Variants in CUL1 observed in about 807,000 individuals in gnomAD.
The protein encoded by CUL1 is cullin-1.
Under a neutral mutation model 118.0 loss-of-function variants are expected in CUL1, and 24 were observed. The ratio of observed to expected loss-of-function variants is 0.20; its 90% CI spans 0.15 to 0.29. The LOEUF is 0.29. CUL1 is among the 10% of genes least tolerant of loss of function. The pLI, the probability that CUL1 is intolerant of heterozygous loss-of-function variation, is 1.00. For missense variants in CUL1, 361 were observed against 933.8 expected, an observed-to-expected ratio of 0.39 and a Z score of 7.99; for synonymous variants, 332 against 340.4, an observed-to-expected ratio of 0.98 and a Z score of 0.27.
intron 1 of CUL1, among the ~76,000 whole-genome samples, chr7:148,717,269 C>T (rs1798243361): frequency 6.6e-6 from 1 of 152,110 alleles, no homozygotes; most frequent in African/African-American, 2.4e-5. Flanking sequence ...GTTGGCCAGG[C>T]TGGTCGCGAA....
chr7:148,774,978 C>T (rs1354887124), intron 9 of CUL1, among the ~76,000 whole-genome samples: 1 of 152,170 alleles, frequency 6.6e-6, no homozygotes, highest in Non-Finnish European at 1.5e-5. Flanking sequence ...AATTAGGTAG[C>T]TCCGGCAAGT....
chr7:148,741,541 C>T (rs566345158), intron 2 of CUL1, among the ~76,000 whole-genome samples: 4 of 152,288 alleles, frequency 2.6e-5, no homozygotes, highest in South Asian at 2.1e-4. Flanking sequence ...TAGGTTCAAG[C>T]GATTCTCCTG....
chr7:148,727,773 G>A (rs2129459538), intron 1 of CUL1, among the ~76,000 whole-genome samples: 1 of 152,150 alleles, frequency 6.6e-6, no homozygotes, highest in Non-Finnish European at 1.5e-5. Context: ...GTGGCAAGGG[G>A]GGACATCTGT....
upstream of CUL1, chr7:148,698,355 G>A (rs1797588295): frequency 6.6e-6 from 1 of 152,530 alleles, no homozygotes; most frequent in Non-Finnish European, 1.5e-5. Flanking sequence ...GCTTCGGGCC[G>A]TTTCTCCAGA....
intron 2 of CUL1, among the ~76,000 whole-genome samples, chr7:148,750,340 T>C (rs1410711246): frequency 1.3e-5 from 2 of 151,432 alleles, no homozygotes; most frequent in Non-Finnish European, 2.9e-5. Context: ...AGGGTACATA[T>C]GCACAATGTG....
intron 4 of CUL1, among the ~76,000 whole-genome samples, chr7:148,758,561 G>A (rs1799734915): frequency 6.6e-6 from 1 of 152,190 alleles, no homozygotes; most frequent in African/African-American, 2.4e-5. Flanking sequence ...AGGGTTCAGT[G>A]AGCCATGGTG....
intron 2 of CUL1, among the ~76,000 whole-genome samples, chr7:148,746,691 A>G (rs1163650807): frequency 6.6e-6 from 1 of 152,184 alleles, no homozygotes; most frequent in African/African-American, 2.4e-5. Context: ...CACTTACGAG[A>G]ATGTTAGGAT....
intron 1 of CUL1, among the ~76,000 whole-genome samples, chr7:148,714,589 C>A (rs888392707): frequency 2.0e-5 from 3 of 152,180 alleles, no homozygotes; most frequent in African/African-American, 7.2e-5. Flanking sequence ...CTAAGAGAAT[C>A]TGAATAGCAG....
intron 1 of CUL1, among the ~76,000 whole-genome samples, chr7:148,723,873 GA>G (rs1474565085): frequency 2.0e-5 from 3 of 151,702 alleles, no homozygotes; most frequent in Non-Finnish European, 4.4e-5. Context: ...ATACGTTCAG[GA>G]AAAAATATTT....
chr7:148,795,916 A>G (rs1448901024), intron 17 of CUL1, among the ~76,000 whole-genome samples: 1 of 152,106 alleles, frequency 6.6e-6, no homozygotes, highest in Non-Finnish European at 1.5e-5. Context: ...CTGTCATATC[A>G]TCTATAAATA....
chr7:148,793,033 G>A (rs1801069565), intron 17 of CUL1, among the ~76,000 whole-genome samples: 1 of 152,196 alleles, frequency 6.6e-6, no homozygotes, highest in Admixed American at 6.5e-5. Context: ...GGTGGCACAT[G>A]CCTGTAGTCC....
intron 2 of CUL1, among the ~76,000 whole-genome samples, chr7:148,749,510 C>T (rs1409500855): frequency 3.3e-5 from 5 of 151,024 alleles, no homozygotes; most frequent in East Asian, 1.9e-4. Context: ...TTTAAAAAAC[C>T]GACAAGCCTC....
intron 1 of CUL1, among the ~76,000 whole-genome samples, chr7:148,716,166 CT>C (rs1363354044): frequency 3.3e-5 from 5 of 151,948 alleles, no homozygotes; most frequent in African/African-American, 1.2e-4. Context: ...CAACTTTTTG[CT>C]TTTTTTAATC....
At chr7:148,711,692 A>C (rs1237478803) in intron 1 of CUL1, among the ~76,000 whole-genome samples, 2 of 152,142 alleles carry the variant, frequency 1.3e-5, no homozygotes, top group Non-Finnish European at 2.9e-5. Flanking sequence ...AATAATAGAA[A>C]GGGGTGTCTT....
At chr7:148,706,051 A>G (rs1048408999) in intron 1 of CUL1, among the ~76,000 whole-genome samples, 1 of 152,234 alleles carries the variant, frequency 6.6e-6, no homozygotes, top group Non-Finnish European at 1.5e-5. Context: ...GTGATGGGCC[A>G]CGGTCAACAT....
At chr7:148,776,306 G>GTTTTTTTTTTT (rs1563166099) in intron 9 of CUL1, among the ~76,000 whole-genome samples, 3 of 33,958 alleles carry the variant, frequency 8.8e-5, no homozygotes, top group African/African-American at 1.4e-4. Context: ...ACATAACCAG[G>GTTTTTTTTTTT]CTTTTTTTTT....
At chr7:148,793,360 G>A (rs1368297373) in intron 17 of CUL1, among the ~76,000 whole-genome samples, 1 of 152,092 alleles carries the variant, frequency 6.6e-6, no homozygotes, top group East Asian at 1.9e-4. Flanking sequence ...TGTACAAAGT[G>A]GTTTTTAGTA....
intron 4 of CUL1, among the ~76,000 whole-genome samples, chr7:148,757,588 AAATC>A (rs1799696762): frequency 6.6e-6 from 1 of 152,154 alleles, no homozygotes; most frequent in African/African-American, 2.4e-5. Flanking sequence ...ATTAATTACT[AAATC>A]ACCCTCAGTA....
At chr7:148,699,732 G>A (rs1051722147) in intron 1 of CUL1, among the ~76,000 whole-genome samples, 3 of 152,098 alleles carry the variant, frequency 2.0e-5, no homozygotes, top group Admixed American at 6.5e-5. Context: ...ATGCTAGCCC[G>A]GCGGCCGAAC....
Sources: allele counts gnomAD v4.1 joint callset (sites outside exome capture counted in the v4.1 genomes callset), GRCh38; gene constraint gnomAD v4.1.1; transcripts MANE v1.5; gene names NCBI Gene and HGNC (gene_info 2026-07-23, HGNC 2026-07-21).